The following KDM4A variants were observed in gnomAD, a reference collection of about 807,000 sequenced individuals.
KDM4A encodes lysine-specific demethylase 4A.
In KDM4A, 23 loss-of-function variants were observed where a neutral mutation model predicts 127.1. The ratio of observed to expected loss-of-function variants is 0.18; its 90% CI spans 0.13 to 0.26. The LOEUF is 0.26. Among genes scored for constraint, KDM4A ranks in the 10% least tolerant of loss-of-function variants. The pLI, the probability that KDM4A is intolerant of heterozygous loss-of-function variation, is 1.00. For missense variants in KDM4A, 890 were observed against 1,329.1 expected (o/e 0.67, Z 5.14); for synonymous variants, 443 against 466.5 (o/e 0.95, Z 0.65).
chr1:43,694,515 C>CAA lies in KDM4A; in HGVS notation c.2485-176_2485-175dup, dbSNP rs35419389. 3.7e-3 allele frequency among the ~76,000 whole-genome samples: 397 copies of CAA among 107,322 alleles called. 4 individuals carry two copies. Among genetic ancestry groups the CAA allele is most frequent in the African/African-American group, 0.013 (374 of 28,720 alleles). The allele number at this position is 107,322 out of a possible 152,430, so 70.4% of individuals were successfully genotyped here. ...TGGGTGACAGAGCAAGACTCCGTCT[C>CAA]AAAAAAAAAAAAAAAAAAATTTCCT... On this transcript the variant is annotated intron_variant, in intron 17 of 21. Coordinates refer to ENST00000372396, the MANE Select transcript of KDM4A (RefSeq NM_014663.3). This position sits in a 1 kb window ranked among gnomAD's most constrained non-coding sequence, Gnocchi z 5.2.
At chr1:43,677,721 G>A (rs1446096517) in intron 11 of KDM4A, among the ~76,000 whole-genome samples, 1 of 152,184 alleles carries the variant, frequency 6.6e-6, no homozygotes, top group East Asian at 1.9e-4. Context: ...GGAGGAAGAA[G>A]GAGGCAAAAT....
At chr1:43,703,764 G>C (rs1661470097) in intron 20 of KDM4A, 28 bp downstream of exon 20, 1 of 1,613,268 alleles carries the variant, frequency 6.2e-7, no homozygotes, top group East Asian at 2.2e-5. Context: ...TTTCTAGGGA[G>C]TGGGGGGTGC....
chr1:43,678,108 T>C (rs745860032), intron 11 of KDM4A, among the ~76,000 whole-genome samples: 3 of 152,098 alleles, frequency 2.0e-5, no homozygotes, highest in Non-Finnish European at 4.4e-5. Context: ...GTCATCCATA[T>C]AGGATAATGG....
chr1:43,671,616 C>T lies in KDM4A; in HGVS notation c.1475C>T (p.Pro492Leu). 1 of 1,613,406 alleles carries T rather than the reference C, an allele frequency of 6.2e-7. No individual in the cohort carries two copies. The highest frequency in any genetic ancestry group is 8.5e-7 in the Non-Finnish European group (1 of 1,179,696). ...GCTGCCTTGGATCTTTCTGTGAATC[C>T]TGCGTCTGTAGGGGGACGCCTTGTC... ...AAAALDLSVN[P>L]ASVGGRLVFS... Residue 492 changes from proline (P) to leucine (L), a missense_variant, in exon 11 of 22, where the codon CCT becomes CTT. Pro to Leu is a moderately conservative substitution (Grantham distance 98). Around this residue, in one of 7 missense-constraint regions of KDM4A, gnomAD observed 389 missense variants for 485.9 expected, o/e 0.80. Coordinates refer to ENST00000372396, the MANE Select transcript of KDM4A (RefSeq NM_014663.3).
Position 43,694,838 on chromosome 1 carries a change from G to A in KDM4A, c.2614G>A (p.Asp872Asn). ...TGCCGGTGTGATGATGCAGCCTGAC[G>A]ACTGGCCTTTTGTGGTCTTCATTAC... The part of the protein sequence containing the change: ...QAAGVMMQPD[D>N]WPFVVFITCF... The change falls in exon 18 of 22, where the codon GAC (aspartate) becomes AAC (asparagine). Residue 872 changes from aspartate to asparagine, a missense_variant. Transcript: ENST00000372396. This position sits in a 1 kb window ranked among gnomAD's most constrained non-coding sequence, Gnocchi z 5.2. 1 of 1,613,614 alleles carries A rather than the reference G, an allele frequency of 6.2e-7. No individual in the cohort carries two copies. The highest frequency in any genetic ancestry group is 2.2e-5 in the East Asian group (1 of 44,854).
At chr1:43,659,290 T>C (rs1283328491) in intron 3 of KDM4A, among the ~76,000 whole-genome samples, 2 of 152,120 alleles carry the variant, frequency 1.3e-5, no homozygotes, top group Admixed American at 1.3e-4. Context: ...AAGGATCTTG[T>C]ATAGTTTTTT....
chr1:43,659,911 C>G (rs547375204), intron 3 of KDM4A, among the ~76,000 whole-genome samples: 1 of 152,268 alleles, frequency 6.6e-6, no homozygotes, highest in East Asian at 1.9e-4. Flanking sequence ...CTTAGCTCTT[C>G]ACATGCTGCT....
In KDM4A at chr1:43,683,744, C is replaced by T. The variant is rs190193797; in HGVS notation, c.1795C>T (p.Pro599Ser). 6.2e-7 allele frequency: 1 copy of T among 1,614,112 alleles called. No homozygotes were observed. Among genetic ancestry groups the T allele is most frequent in the African/African-American group, 1.3e-5 (1 of 75,038 alleles). The change falls in exon 12 of 22, where the codon CCT becomes TCT. Residue 599 changes from proline (P) to serine (S), a missense_variant. Physicochemically the swap from Pro to Ser is moderately conservative, Grantham distance 74. Coordinates refer to ENST00000372396, the MANE Select transcript of KDM4A (RefSeq NM_014663.3). ...TAAGAAGTCCAAGGGACGCCGTCAG[C>T]CTTTAAGCAAGCTCCCCCGCCATCA... is the stretch of plus-strand genomic sequence containing the variant. The part of the protein sequence containing the change: ...ENKKSKGRRQ[P>S]LSKLPRHHPL...
Position 43,704,286 on chromosome 1 carries a change from A to C in KDM4A, c.3111A>C (p.Gln1037His), listed in dbSNP as rs1661488157. ...TTTTCACAGAGAAAGAGGTTAAGCA[A>C]GAAAAGAAACGGCAACGAGTTATCA... ...NEIFTEKEVK[Q>H]EKKRQRVINS... Residue 1037 changes from glutamine to histidine, a missense_variant, in exon 22 of 22, where the codon CAA becomes CAC. Coordinates refer to ENST00000372396, the MANE Select transcript of KDM4A (RefSeq NM_014663.3). The C allele has an allele frequency of 6.2e-7, 1 of 1,614,176 alleles. No individual in the cohort carries two copies.
At chr1:43,677,152 C>T (rs1261610841) in intron 11 of KDM4A, among the ~76,000 whole-genome samples, 2 of 152,036 alleles carry the variant, frequency 1.3e-5, no homozygotes, top group African/African-American at 4.8e-5. Flanking sequence ...CGAGACCAGC[C>T]TGGCCAACAT....
chr1:43,689,207 C>A, intron 13 of KDM4A, 112 bp downstream of exon 13: 2 of 1,050,528 alleles, frequency 1.9e-6, no homozygotes, highest in Non-Finnish European at 2.8e-6. Flanking sequence ...GCCACCTCCA[C>A]CCCCAGCATT....
rs900186366 is a variant in KDM4A at position 43,704,815 on chromosome 1, T to G, written c.*445T>G. 3.6e-5 allele frequency: 6 copies of G among 164,408 alleles called. No homozygotes were observed. In the South Asian group the frequency reaches 9.5e-4, roughly 26 times the overall value. 10.2% of individuals were successfully genotyped at this position (164,408 alleles called of 1,614,324 possible). ...CGTGCGTGCGTGCGTGTATGTTTGG[T>G]CTGGACCAGCTTCTGCCAGCCCCTG... On this transcript the variant is annotated 3_prime_UTR_variant, in exon 22 of 22. Coordinates refer to ENST00000372396, the MANE Select transcript of KDM4A (RefSeq NM_014663.3).
chr1:43,695,010 G>A (rs1379232089), intron 18 of KDM4A, 116 bp downstream of exon 18: 7 of 997,012 alleles, frequency 7.0e-6, no homozygotes, highest in Non-Finnish European at 1.0e-5. Context: ...ATTATGAAGA[G>A]TGCTAATGAG....
chr1:43,679,619 A>AGTTT (rs1171489845), intron 11 of KDM4A, among the ~76,000 whole-genome samples: 2 of 152,048 alleles, frequency 1.3e-5, no homozygotes, highest in African/African-American at 4.8e-5. Flanking sequence ...CAGTCTGGTA[A>AGTTT]ACTGCAGTTT....
chr1:43,699,125 C>G (rs1661319273), intron 19 of KDM4A, among the ~76,000 whole-genome samples: 1 of 142,504 alleles, frequency 7.0e-6, no homozygotes, highest in Non-Finnish European at 1.5e-5. Context: ...GAGACCAGGT[C>G]TCACTCTGTC....
chr1:43,662,983 C>G lies in KDM4A; in HGVS notation c.519C>G (p.Thr173=). 1.2e-6 allele frequency: 2 copies of G among 1,614,096 alleles called. No individual in the cohort carries two copies. The highest frequency in any genetic ancestry group is 1.7e-6 in the Non-Finnish European group (2 of 1,179,996). ...ESGITIEGVN[T]PYLYFGMWKT... Reference sequence around the variant, plus strand: ...GGATCACCATTGAGGGTGTGAACACCCCATACCTGTACTTTGGCATGTGGA... The same window carrying G: ...GGATCACCATTGAGGGTGTGAACACGCCATACCTGTACTTTGGCATGTGGA... Residue 173 remains threonine (T), a synonymous_variant, in exon 5 of 22, where the codon ACC becomes ACG. Coordinates refer to ENST00000372396, the MANE Select transcript of KDM4A (RefSeq NM_014663.3).
rs142031511 is a variant in KDM4A, at chr1:43,656,701, T to C, written c.314+935T>C. On this transcript the variant is annotated intron_variant, in intron 3 of 21. Coordinates refer to ENST00000372396, the MANE Select transcript of KDM4A (RefSeq NM_014663.3). The stretch of plus-strand genomic sequence containing the variant: ...TGAGATTCACAGAGAATAAATTTTG[T>C]GTTTCCTTGTTCAGCTCTGACTACT... 6.8e-3 allele frequency among the ~76,000 whole-genome samples: 1,026 copies of C among 151,908 alleles called. 20 individuals are homozygous for C. The highest frequency in any genetic ancestry group is 0.024 in the African/African-American group (990 of 41,414).
chr1:43,692,951 C>CGT (rs1220481232), intron 16 of KDM4A, among the ~76,000 whole-genome samples: 1 of 152,184 alleles, frequency 6.6e-6, no homozygotes, highest in Non-Finnish European at 1.5e-5. Context: ...GGGCATGGTG[C>CGT]GTGCAGGTCA....
chr1:43,700,384 C>T (rs1265783308), intron 19 of KDM4A, among the ~76,000 whole-genome samples: 2 of 152,122 alleles, frequency 1.3e-5, no homozygotes, highest in Non-Finnish European at 2.9e-5. Context: ...ACCTCGGCCT[C>T]CCAAAGTGCT....
Sources: allele counts gnomAD v4.1 joint callset (sites outside exome capture counted in the v4.1 genomes callset), GRCh38; gene constraint gnomAD v4.1.1; regional missense constraint gnomAD v4.1.1; non-coding constraint Gnocchi (gnomAD v3.1); transcripts MANE v1.5; gene names NCBI Gene and HGNC (gene_info 2026-07-23, HGNC 2026-07-21).